Variants in NECTIN4 observed in about 807,000 individuals in gnomAD.
The protein encoded by NECTIN4 is nectin-4.
A neutral mutation model predicts 51.7 loss-of-function variants in NECTIN4; 19 were observed. That is an observed-to-expected ratio of 0.37 (90% CI 0.26 to 0.54). The LOEUF (loss-of-function observed/expected upper bound fraction) is 0.54, where lower values mean the gene tolerates loss of function less well. NECTIN4 is among the 20% of genes least tolerant of loss of function. NECTIN4 has a pLI of 0.86. For missense variants in NECTIN4, 619 were observed against 662.4 expected (o/e 0.93, Z 0.72); for synonymous variants, 283 against 286.9 (o/e 0.99, Z 0.14).
intron 4 of NECTIN4, among the ~76,000 whole-genome samples, 196 bp from the exon 5 acceptor site, chr1:161,074,955 ACC>A (rs1163690795): frequency 6.6e-6 from 1 of 151,140 alleles, no homozygotes; most frequent in Non-Finnish European, 1.5e-5. Flanking sequence ...TGACCTGGGC[ACC>A]CCCCACACAC....
In NECTIN4 at chr1:161,077,697, G is replaced by C; in HGVS notation, c.486C>G (p.Gly162=). The C allele has an allele frequency of 6.2e-7, 1 of 1,612,646 alleles. No homozygotes were observed. The highest frequency in any genetic ancestry group is 1.1e-5 in the South Asian group (1 of 91,060). The change falls in exon 3 of 9, where the codon GGC becomes GGG. Residue 162 remains glycine, a synonymous_variant. Transcript: ENST00000368012. ...AGGAGGCTGCCAGGGTCAGGCCCTG[G>C]CCCTCTTCTAGTGCTGGACCAGGAT... is the stretch of plus-strand genomic sequence containing the variant. ...SLNPGPALEE[G]QGLTLAASCT... is the part of the protein sequence containing the mutation.
Position 161,089,170 on chromosome 1 carries a change from C to T in NECTIN4, c.79+48G>A. On this transcript the variant is annotated intron_variant, in intron 1 of 8. Coordinates refer to ENST00000368012, the MANE Select transcript of NECTIN4 (RefSeq NM_030916.3). The surrounding 1 kb of genome is among the most constrained non-coding windows in gnomAD (Gnocchi z 4.1). Reference sequence around the variant, plus strand: ...TGTGTTTGTGCATGTGTGTCAGTGCCAGGTTGGGCTCAGAAGCAAGTGTCC... The same window carrying T: ...TGTGTTTGTGCATGTGTGTCAGTGCTAGGTTGGGCTCAGAAGCAAGTGTCC... 1 of 1,553,676 alleles carries T rather than the reference C, an allele frequency of 6.4e-7. No homozygotes were observed. The highest frequency in any genetic ancestry group is 8.9e-7 in the Non-Finnish European group (1 of 1,126,474).
At chr1:161,078,703 T>G (rs887713928) in intron 2 of NECTIN4, among the ~76,000 whole-genome samples, 1 of 152,084 alleles carries the variant, frequency 6.6e-6, no homozygotes, top group African/African-American at 2.4e-5. Flanking sequence ...GCCCACAATA[T>G]AAAGTGATGG....
At chr1:161,074,410 GCAGCCACAACCCACCC>G in intron 5 of NECTIN4, 37 bp from the exon 6 acceptor site, 1 of 1,612,674 alleles carries the variant, frequency 6.2e-7, no homozygotes, top group Non-Finnish European at 8.5e-7. Context: ...GTGGAAGCCT[GCAGCCACAACCCACCC>G]CAGACCTCAC....
intron 1 of NECTIN4, chr1:161,086,760 A>C (rs1653966473): frequency 6.6e-6 from 1 of 152,406 alleles, no homozygotes; most frequent in Non-Finnish European, 1.5e-5. Context: ...GGGGTGGGGC[A>C]GGGCCCTGGG....
chr1:161,077,887 G>A (rs1286226682), intron 2 of NECTIN4, 144 bp from the exon 3 acceptor site: 45 of 752,142 alleles, frequency 6.0e-5, no homozygotes, highest in Non-Finnish European at 6.3e-6. Flanking sequence ...ATGAATGGTA[G>A]AAATTCAGGT....
intron 1 of NECTIN4, chr1:161,084,646 C>T (rs1653843915): frequency 6.6e-6 from 1 of 152,222 alleles, no homozygotes. Flanking sequence ...TCCCCTTGCT[C>T]CTCAGGTTCC....
At chr1:161,074,972 G>A (rs565320156) in intron 4 of NECTIN4, among the ~76,000 whole-genome samples, 5 of 152,076 alleles carry the variant, frequency 3.3e-5, no homozygotes, top group South Asian at 2.1e-4. Flanking sequence ...ACACACACCC[G>A]GGGAAGATCC....
intron 3 of NECTIN4, 149 bp downstream of exon 3, chr1:161,077,304 T>G: frequency 1.2e-6 from 1 of 854,470 alleles, no homozygotes; most frequent in East Asian, 2.4e-5. Context: ...GCTCCAGGTC[T>G]TCCACATTTG....
intron 3 of NECTIN4, 141 bp from the exon 4 acceptor site, chr1:161,076,616 T>A: frequency 8.7e-7 from 1 of 1,143,188 alleles, no homozygotes; most frequent in Non-Finnish European, 1.3e-6. Context: ...CTGCCAAACC[T>A]AGCTCAGCCC....
Position 161,079,823 on chromosome 1 carries a change from C to G in NECTIN4, c.206G>C (p.Arg69Pro). The change falls in exon 2 of 9, where the codon CGG (arginine) becomes CCG (proline). Residue 69 changes from arginine to proline, a missense_variant. Physicochemically the swap from Arg to Pro is moderately radical, Grantham distance 103. Around this residue, in one of 3 missense-constraint regions of NECTIN4, gnomAD observed 218 missense variants for 186.3 expected, o/e 1.17. Transcript: ENST00000368012. ...GEQVGQVAWA[R>P]VDAGEGAQEL... ...CTGGGCGCCTTCGCCCGCGTCCACC[C>G]GAGCCCATGCCACTTGCCCCACTTG... 1 of 1,613,768 alleles carries G rather than the reference C, an allele frequency of 6.2e-7. No homozygotes were observed. Among genetic ancestry groups the G allele is most frequent in the Non-Finnish European group, 8.5e-7 (1 of 1,180,002 alleles).
In NECTIN4 at chr1:161,079,671, C is replaced by T; in HGVS notation, c.358G>A (p.Ala120Thr). The T allele has an allele frequency of 1.2e-6, 2 of 1,607,056 alleles. No homozygotes were observed. Among genetic ancestry groups the T allele is most frequent in the Non-Finnish European group, 1.7e-6 (2 of 1,179,640 alleles). The change falls in exon 2 of 9, where the codon GCG becomes ACG. Residue 120 changes from alanine (A) to threonine (T), a missense_variant. Around this residue, in one of 3 missense-constraint regions of NECTIN4, gnomAD observed 218 missense variants for 186.3 expected, o/e 1.17. Transcript: ENST00000368012. ...CGGCACTCGTACTCGCCCTCATCCG[C>T]CTGCACTGCGTTGCGCAGGAGCACT... The part of the protein sequence containing the change: ...GSVLLRNAVQ[A>T]DEGEYECRVS...
Position 161,073,720 on chromosome 1 carries a change from C to T in NECTIN4, c.1233G>A (p.Gln411=), listed in dbSNP as rs779410889. 2 of 1,614,014 alleles carry T rather than the reference C, an allele frequency of 1.2e-6. No individual in the cohort carries two copies. Among genetic ancestry groups the T allele is most frequent in the South Asian group, 2.2e-5 (2 of 91,086 alleles). Residue 411 remains glutamine (Q), a splice_region_variant and synonymous_variant, in exon 7 of 9, where the codon CAG becomes CAA. Coordinates refer to ENST00000368012, the MANE Select transcript of NECTIN4 (RefSeq NM_030916.3). ...GCATACACCCAACCTTGGCACACAC[C>T]TGGCTCCTGGGGTCCGTGTGATGGG... ...LHSHHTDPRS[Q]PEESVGLRAE...
At chr1:161,086,476 C>G (rs2101680226) in intron 1 of NECTIN4, among the ~76,000 whole-genome samples, 1 of 152,328 alleles carries the variant, frequency 6.6e-6, no homozygotes, top group Middle Eastern at 3.4e-3. Flanking sequence ...TAACCTCAGA[C>G]AGAAAGCTGA....
chr1:161,074,785 G>A (rs1288848315), intron 4 of NECTIN4, 26 bp from the exon 5 acceptor site: 3 of 1,609,620 alleles, frequency 1.9e-6, no homozygotes, highest in Non-Finnish European at 2.5e-6. Flanking sequence ...GCTGAAGGGT[G>A]CCAGCCGGGA....
intron 6 of NECTIN4, among the ~76,000 whole-genome samples, chr1:161,074,002 A>G (rs957443730): frequency 6.6e-6 from 1 of 152,194 alleles, no homozygotes; most frequent in Admixed American, 6.5e-5. Context: ...ATCCAGGCAC[A>G]TGGATCTGAG....
At chr1:161,076,303 G>A (rs1168283492) in intron 4 of NECTIN4, 52 bp downstream of exon 4, 3 of 1,610,544 alleles carry the variant, frequency 1.9e-6, no homozygotes, top group Non-Finnish European at 2.5e-6. Context: ...CTGGCCCTGA[G>A]AGGGGAGGAA....
Position 161,079,665 on chromosome 1 carries a change from C to G in NECTIN4, c.364G>C (p.Glu122Gln), listed in dbSNP as rs1004583388. 1.2e-5 allele frequency: 20 copies of G among 1,606,560 alleles called. No individual in the cohort carries two copies. Among genetic ancestry groups the G allele is most frequent in the Non-Finnish European group, 1.4e-5 (17 of 1,179,684 alleles). ...VLLRNAVQADEGEYECRVSTF... is the reference protein window; with the variant it reads ...VLLRNAVQADQGEYECRVSTF... ...CTGACCCGGCACTCGTACTCGCCCT[C>G]ATCCGCCTGCACTGCGTTGCGCAGG... The change falls in exon 2 of 9, where the codon GAG becomes CAG. Residue 122 changes from glutamate to glutamine, a missense_variant. Glu to Gln is a conservative substitution (Grantham distance 29). Around this residue, in one of 3 missense-constraint regions of NECTIN4, gnomAD observed 218 missense variants for 186.3 expected, o/e 1.17. Coordinates refer to ENST00000368012, the MANE Select transcript of NECTIN4 (RefSeq NM_030916.3).
Position 161,077,638 on chromosome 1 carries a change from G to A in NECTIN4, c.545C>T (p.Thr182Ile). 6.2e-7 allele frequency: 1 copy of A among 1,613,680 alleles called. No homozygotes were observed. Among genetic ancestry groups the A allele is most frequent in the Non-Finnish European group, 8.5e-7 (1 of 1,180,014 alleles). Residue 182 changes from threonine to isoleucine, a missense_variant, in exon 3 of 9, where the codon ACC becomes ATC. Transcript: ENST00000368012. ...TGTGCCTTTGACCTCCGTGTCCCAG[G>A]TCACGCTGGGGGCTGGGCTGCCCTC... is the stretch of plus-strand genomic sequence containing the variant. Reference protein sequence around the residue: ...TAEGSPAPSVTWDTEVKGTTS... With the variant: ...TAEGSPAPSVIWDTEVKGTTS...
Sources: allele counts gnomAD v4.1 joint callset (sites outside exome capture counted in the v4.1 genomes callset), GRCh38; gene constraint gnomAD v4.1.1; regional missense constraint gnomAD v4.1.1; non-coding constraint Gnocchi (gnomAD v3.1); transcripts MANE v1.5; gene names NCBI Gene and HGNC (gene_info 2026-07-23, HGNC 2026-07-21).